Variants in ROR2 observed in about 807,000 individuals in gnomAD.
The protein encoded by ROR2 is ROR family WNT receptor 2, also known as tyrosine-protein kinase transmembrane receptor ROR2.
In ROR2, 33 loss-of-function variants were observed where a neutral mutation model predicts 74.9. That is an observed-to-expected ratio of 0.44 (90% confidence interval 0.33 to 0.59). ROR2 has a LOEUF of 0.59. Among genes scored for constraint, ROR2 ranks in the 20% least tolerant of loss-of-function variants. The probability of loss-of-function intolerance (pLI) is 0.02; values close to 1 mark genes in which losing one functional copy is unlikely to be tolerated. For synonymous variants in ROR2, 586 were observed against 558.7 expected (o/e 1.05, Z -0.69); for missense variants, 1,216 against 1,313.8 (o/e 0.93, Z 1.15).
At chr9:91,859,197 CTTTTTTTTT>C (rs541283275) in intron 1 of ROR2, among the ~76,000 whole-genome samples, 1 of 121,322 alleles carries the variant, frequency 8.2e-6, no homozygotes. Flanking sequence ...GAAAGTATTC[CTTTTTTTTT>C]TTTTTTTTTT....
At chr9:91,870,467 A>G (rs16907923) in intron 1 of ROR2, among the ~76,000 whole-genome samples, 6,102 of 152,306 alleles carry the variant, frequency 0.04, 172 homozygotes, top group East Asian at 0.093. Flanking sequence ...CAGGGCTCCC[A>G]ACATCTATCA....
chr9:91,829,125 T>TG (rs745781787), intron 1 of ROR2, among the ~76,000 whole-genome samples: 179 of 152,368 alleles, frequency 1.2e-3, no homozygotes, highest in Middle Eastern at 3.4e-3. Flanking sequence ...ATCATGGCAC[T>TG]GTCCCACCTC....
chr9:91,875,027 C>T (rs1348336356), intron 1 of ROR2, among the ~76,000 whole-genome samples: 2 of 151,814 alleles, frequency 1.3e-5, no homozygotes, highest in East Asian at 1.9e-4. Flanking sequence ...GGTAAATTAA[C>T]GGACACTTAC....
At position 91,733,081 on chromosome 9, in the gene ROR2, C is replaced by T. The variant is rs1837302773; in HGVS notation, c.937+41G>A. 4 of 1,537,034 alleles carry T rather than the reference C, an allele frequency of 2.6e-6. No individual in the cohort carries two copies. Among genetic ancestry groups the T allele is most frequent in the Non-Finnish European group, 8.8e-7 (1 of 1,142,712 alleles). ...TACACATTTCAAGGGCCCTACACTC[C>T]CTGCGCCCCCCGGTCCCGCCCCGGG... On this transcript the variant is annotated intron_variant, in intron 6 of 8. Coordinates refer to ENST00000375708, the MANE Select transcript of ROR2 (RefSeq NM_004560.4). The surrounding 1 kb of genome is among the most constrained non-coding windows in gnomAD (Gnocchi z 5.7).
chr9:91,837,048 CTG>C (rs1828629641), intron 1 of ROR2, among the ~76,000 whole-genome samples: 1 of 152,010 alleles, frequency 6.6e-6, no homozygotes, highest in South Asian at 2.1e-4. Flanking sequence ...TTTAAAAAAA[CTG>C]TATTCAAGGA....
rs560144662 is a variant in ROR2 at position 91,733,744 on chromosome 9, G to T, written c.623-308C>A. Among the ~76,000 whole-genome samples, 4 of 152,194 alleles carry T rather than the reference G, an allele frequency of 2.6e-5. No homozygotes were observed. Among genetic ancestry groups the T allele is most frequent in the Non-Finnish European group, 5.9e-5 (4 of 68,040 alleles). On this transcript the variant is annotated intron_variant, in intron 5 of 8. Transcript: ENST00000375708. The surrounding 1 kb of genome is among the most constrained non-coding windows in gnomAD (Gnocchi z 5.7). Reference sequence around the variant, plus strand: ...AAAACTCGGCCCCCTAGCTCACTCCGCTAGGTGCTTCTTCCAGGACAAGAG... The same window carrying T: ...AAAACTCGGCCCCCTAGCTCACTCCTCTAGGTGCTTCTTCCAGGACAAGAG...
intron 1 of ROR2, among the ~76,000 whole-genome samples, chr9:91,909,861 T>G (rs1428629455): frequency 1.4e-4 from 18 of 129,230 alleles, no homozygotes; most frequent in East Asian, 1.1e-3. Flanking sequence ...TTTTTTTTTT[T>G]TTTTTTTTTT....
intron 1 of ROR2, among the ~76,000 whole-genome samples, chr9:91,783,533 C>T (rs549641176): frequency 7.2e-5 from 11 of 152,152 alleles, no homozygotes; most frequent in Non-Finnish European, 1.3e-4. Flanking sequence ...ATATGGAAGC[C>T]ACCTCCAACC....
intron 1 of ROR2, among the ~76,000 whole-genome samples, chr9:91,925,761 T>C (rs1454558033): frequency 6.6e-6 from 1 of 152,180 alleles, no homozygotes; most frequent in Admixed American, 6.5e-5. Flanking sequence ...TCGCTCACTC[T>C]ACCCTTTCAT....
Position 91,722,811 on chromosome 9 carries a change from T to C in ROR2, c.*851A>G. 3.4e-6 allele frequency: 2 copies of C among 580,814 alleles called. No individual in the cohort carries two copies. The highest frequency in any genetic ancestry group is 6.2e-6 in the Non-Finnish European group (2 of 324,326). The allele number at this position is 580,814 out of a possible 1,614,324, so 36.0% of individuals were successfully genotyped here. On this transcript the variant is annotated 3_prime_UTR_variant, in exon 9 of 9. Transcript: ENST00000375708. ...ATAAACAGTTAAATTACTAAAGTCA[T>C]CTTAAGACCAAAATACTTCAATGAA...
At position 91,723,711 on chromosome 9, in the gene ROR2, TC is replaced by T. The variant is rs1161670343; in HGVS notation, c.2782del (p.Asp928ThrfsTer62). 1 of 1,613,798 alleles carries T rather than the reference TC, an allele frequency of 6.2e-7. No homozygotes were observed. Among genetic ancestry groups the T allele is most frequent in the Admixed American group, 1.7e-5 (1 of 59,992 alleles). On this transcript the variant is annotated frameshift_variant, in exon 9 of 9. Transcript: ENST00000375708. LOFTEE classifies it high-confidence loss of function. ...GSVPETELLG[D>X]CDTLQVDEAQ... is the part of the protein sequence containing the mutation. ...CTCGTCCACCTGCAGAGTGTCACAGTCCCCCAGCAGCTCAGTCTCTGGGACA... is the reference window on the plus strand; with the variant it reads ...CTCGTCCACCTGCAGAGTGTCACAGTCCCCAGCAGCTCAGTCTCTGGGACA...
rs779100736 is a variant in ROR2 at position 91,724,701 on chromosome 9, T to C, written c.1793A>G (p.Gln598Arg). ...EPPDFVHLVA[Q>R]IAAGMEYLSS... is the part of the protein sequence containing the mutation. ...TAGGTACTCCATCCCCGCCGCGATC[T>C]GTGCCACAAGGTGCACGAAGTCGGG... The change falls in exon 9 of 9, where the codon CAG (glutamine) becomes CGG (arginine). Residue 598 changes from glutamine (Q) to arginine (R), a missense_variant. Physicochemically the swap from Gln to Arg is conservative, Grantham distance 43. Coordinates refer to ENST00000375708, the MANE Select transcript of ROR2 (RefSeq NM_004560.4). 15 of 1,614,222 alleles carry C rather than the reference T, an allele frequency of 9.3e-6. No individual in the cohort carries two copies. Among genetic ancestry groups the C allele is most frequent in the Non-Finnish European group, 1.3e-5 (15 of 1,180,046 alleles).
At chr9:91,756,710 C>CCT (rs1365167367) in intron 3 of ROR2, among the ~76,000 whole-genome samples, 1 of 151,482 alleles carries the variant, frequency 6.6e-6, no homozygotes, top group East Asian at 1.9e-4. Flanking sequence ...GGTCCATAAA[C>CCT]CTCTCCATCT....
At chr9:91,832,141 C>G (rs1828480041) in intron 1 of ROR2, among the ~76,000 whole-genome samples, 1 of 152,068 alleles carries the variant, frequency 6.6e-6, no homozygotes, top group African/African-American at 2.4e-5. Flanking sequence ...CCAAGGCACT[C>G]ACAGCCAATC....
chr9:91,863,475 G>C (rs1829534418), intron 1 of ROR2, among the ~76,000 whole-genome samples: 2 of 152,142 alleles, frequency 1.3e-5, no homozygotes, highest in Non-Finnish European at 2.9e-5. Flanking sequence ...TAGATAGATA[G>C]ATAGAAATGT....
chr9:91,946,597 G>C (rs1022630830), intron 1 of ROR2, among the ~76,000 whole-genome samples: 1 of 152,242 alleles, frequency 6.6e-6, no homozygotes, highest in African/African-American at 2.4e-5. Context: ...GTAACAGTTT[G>C]TAGCGTTAAC....
intron 1 of ROR2, among the ~76,000 whole-genome samples, chr9:91,879,957 T>A (rs1830060493): frequency 6.6e-6 from 1 of 152,062 alleles, no homozygotes; most frequent in African/African-American, 2.4e-5. Flanking sequence ...TTCATCACAG[T>A]AGAAGTCAAC....
chr9:91,745,426 ATTTTTTT>A (rs72432798), intron 4 of ROR2, among the ~76,000 whole-genome samples: 6,203 of 99,738 alleles, frequency 0.062, 208 homozygotes, highest in Admixed American at 0.13. Flanking sequence ...TGCCCAGCCT[ATTTTTTT>A]TTTTTTTTTT....
chr9:91,767,589 T>A (rs1188618607), intron 2 of ROR2, among the ~76,000 whole-genome samples: 1 of 152,226 alleles, frequency 6.6e-6, no homozygotes, highest in Non-Finnish European at 1.5e-5. Flanking sequence ...TCCTGAGAGC[T>A]GCAGGAAGGA....
Sources: allele counts gnomAD v4.1 joint callset (sites outside exome capture counted in the v4.1 genomes callset), GRCh38; gene constraint gnomAD v4.1.1; non-coding constraint Gnocchi (gnomAD v3.1); transcripts MANE v1.5; gene names NCBI Gene and HGNC (gene_info 2026-07-23, HGNC 2026-07-21).